HS1BP3: variants seen among roughly 807,000 people sequenced by gnomAD.
HS1BP3 encodes HCLS1 binding protein 3, also known as HCLS1-binding protein 3.
HS1BP3 carries 32 observed loss-of-function variants against 33.5 expected under a neutral mutation model. The observed-to-expected ratio is 0.95, with a 90% CI of 0.72 to 1.28. The LOEUF (loss-of-function observed/expected upper bound fraction) is 1.28. HS1BP3 is among the 50% of genes most tolerant of loss of function. The pLI is 0.00. For synonymous variants in HS1BP3, 187 were observed against 209.2 expected, an observed-to-expected ratio of 0.89 and a Z score of 0.92; for missense variants, 486 against 502.3, an observed-to-expected ratio of 0.97 and a Z score of 0.31.
At chr2:20,573,599 C>T (rs534086948) in intron 5 of HS1BP3, among the ~76,000 whole-genome samples, 16 of 152,320 alleles carry the variant, frequency 1.1e-4, no homozygotes, top group South Asian at 8.3e-4. Flanking sequence ...CGCAGCCTCC[C>T]GGGCCTTTGC....
chr2:20,624,205 TC>T (rs1408576774), intron 5 of HS1BP3, among the ~76,000 whole-genome samples, 174 bp from the exon 6 acceptor site: 1 of 152,066 alleles, frequency 6.6e-6, no homozygotes, highest in Non-Finnish European at 1.5e-5. Flanking sequence ...ATGACCTGTC[TC>T]CCCAGGGGCC....
At chr2:20,590,095 C>T (rs972435840), downstream of HS1BP3, among the ~76,000 whole-genome samples, 5 of 152,092 alleles carry the variant, frequency 3.3e-5, no homozygotes, top group Non-Finnish European at 4.4e-5. Context: ...CTCAGGCTGC[C>T]CGTGCTGGAG....
intron 4 of HS1BP3, among the ~76,000 whole-genome samples, chr2:20,627,458 C>T (rs558683434): frequency 1.3e-5 from 2 of 152,330 alleles, no homozygotes; most frequent in African/African-American, 4.8e-5. Context: ...AGAGAACAGG[C>T]GCGAGGAGGT....
At chr2:20,643,934 T>TA (rs1471931187) in intron 2 of HS1BP3, among the ~76,000 whole-genome samples, 5 of 152,194 alleles carry the variant, frequency 3.3e-5, no homozygotes, top group East Asian at 1.9e-4. Context: ...TCCTATCTCT[T>TA]AAAAAAAGGA....
intron 5 of HS1BP3, among the ~76,000 whole-genome samples, chr2:20,572,733 A>G (rs1462219599): frequency 6.6e-6 from 1 of 152,206 alleles, no homozygotes; most frequent in East Asian, 1.9e-4. Context: ...TCTTCAGGGT[A>G]CTGGAGCCCG....
intron 5 of HS1BP3, among the ~76,000 whole-genome samples, chr2:20,563,526 G>A (rs1693052829): frequency 6.6e-6 from 1 of 152,170 alleles, no homozygotes; most frequent in Non-Finnish European, 1.5e-5. Context: ...CAGTTTCCTG[G>A]GGCCAGGTGT....
chr2:20,625,618 G>A (rs1344959835), intron 4 of HS1BP3, among the ~76,000 whole-genome samples: 1 of 152,186 alleles, frequency 6.6e-6, no homozygotes, highest in African/African-American at 2.4e-5. Flanking sequence ...CCCTCTTTCA[G>A]GAAGCCTCTC....
chr2:20,624,973 G>C (rs1194629207), intron 4 of HS1BP3, 81 bp from the exon 5 acceptor site: 1 of 1,520,930 alleles, frequency 6.6e-7, no homozygotes, highest in African/African-American at 1.4e-5. Context: ...ACAGGCGCTG[G>C]GCCCTGCAGT....
intron 5 of HS1BP3, among the ~76,000 whole-genome samples, chr2:20,560,793 T>A (rs985619168): frequency 1.3e-5 from 2 of 152,030 alleles, no homozygotes; most frequent in African/African-American, 4.8e-5. Flanking sequence ...TGCAGGCAGG[T>A]CCCAAAGCGG....
chr2:20,569,270 C>T (rs765317966), intron 5 of HS1BP3, among the ~76,000 whole-genome samples: 7 of 152,304 alleles, frequency 4.6e-5, no homozygotes, highest in East Asian at 1.9e-4. Flanking sequence ...CCTTCAAAAT[C>T]GCAGACTTCC....
At chr2:20,578,962 G>C (rs1033084709) in intron 5 of HS1BP3, among the ~76,000 whole-genome samples, 18 of 152,212 alleles carry the variant, frequency 1.2e-4, no homozygotes, top group African/African-American at 3.9e-4. Flanking sequence ...AACCTCTGTT[G>C]AAGGCAGCCA....
chr2:20,567,322 G>T (rs887730092), intron 5 of HS1BP3, among the ~76,000 whole-genome samples: 2 of 152,222 alleles, frequency 1.3e-5, no homozygotes, highest in African/African-American at 4.8e-5. Flanking sequence ...GGGGGCAGAA[G>T]CTGGGGGCAT....
At chr2:20,573,664 T>C (rs575960687) in intron 5 of HS1BP3, among the ~76,000 whole-genome samples, 5 of 152,364 alleles carry the variant, frequency 3.3e-5, no homozygotes, top group African/African-American at 1.2e-4. Context: ...TAGGGAGCTA[T>C]GGGCTTCCCC....
At chr2:20,605,540 G>A (rs879324085) in intron 2 of HS1BP3, among the ~76,000 whole-genome samples, 22 of 152,006 alleles carry the variant, frequency 1.4e-4, no homozygotes, top group African/African-American at 5.3e-4. Context: ...TGTTGCTATC[G>A]ACTTCCGGAA....
rs775224362 is a variant in HS1BP3 at position 20,623,961 on chromosome 2, G to A, written c.855C>T (p.Ala285=). Residue 285 remains alanine, a synonymous_variant, in exon 6 of 7, where the codon GCC becomes GCT. Transcript: ENST00000304031. ...IPLGDSLLLP[A]ACESGGPTPS... ...GTGTGGGCCCTCCACTCTCACAGGCGGCTGGCAGCAGGAGGGAGTCACCCA... is the reference window on the plus strand; with the variant it reads ...GTGTGGGCCCTCCACTCTCACAGGCAGCTGGCAGCAGGAGGGAGTCACCCA... 1.4e-5 allele frequency: 22 copies of A among 1,612,604 alleles called. No homozygotes were observed. The East Asian group carries it at 1.6e-4, about 11-fold the overall frequency.
intron 5 of HS1BP3, among the ~76,000 whole-genome samples, chr2:20,574,250 C>A (rs976683060): frequency 2.0e-5 from 3 of 152,174 alleles, no homozygotes; most frequent in Non-Finnish European, 4.4e-5. Flanking sequence ...CCTGTTAGAT[C>A]CCATTTACTA....
chr2:20,634,126 T>A (rs114208010), intron 4 of HS1BP3, among the ~76,000 whole-genome samples: 5,221 of 152,336 alleles, frequency 0.034, 311 homozygotes, highest in African/African-American at 0.12. Flanking sequence ...GAGCAGGAGT[T>A]GCTGGGGAGC....
intron 5 of HS1BP3, among the ~76,000 whole-genome samples, chr2:20,563,699 A>G (rs191926649): frequency 2.4e-4 from 36 of 152,242 alleles, no homozygotes; most frequent in African/African-American, 7.5e-4. Context: ...TTCTTTTGCC[A>G]TTCCTGCACA....
chr2:20,577,177 G>C (rs1693420741), intron 5 of HS1BP3, among the ~76,000 whole-genome samples: 1 of 152,160 alleles, frequency 6.6e-6, no homozygotes, highest in Non-Finnish European at 1.5e-5. Context: ...GGAGATTAAG[G>C]ACTGGGGGCA....
Sources: allele counts gnomAD v4.1 joint callset (sites outside exome capture counted in the v4.1 genomes callset), GRCh38; gene constraint gnomAD v4.1.1; transcripts MANE v1.5; gene names NCBI Gene and HGNC (gene_info 2026-07-23, HGNC 2026-07-21).